TRAPPC3L: variants seen among roughly 807,000 people sequenced by gnomAD.
TRAPPC3L encodes trafficking protein particle complex subunit 3L.
In TRAPPC3L, 23 loss-of-function variants were observed where a neutral mutation model predicts 23.7. That is an observed-to-expected ratio of 0.97 (90% confidence interval 0.70 to 1.37). The LOEUF (loss-of-function observed/expected upper bound fraction) is 1.37. TRAPPC3L is among the 40% of genes most tolerant of loss of function. The pLI is 0.00. For synonymous variants in TRAPPC3L, 81 were observed against 77.9 expected, an observed-to-expected ratio of 1.04 and a Z score of -0.21; for missense variants, 212 against 216.8, an observed-to-expected ratio of 0.98 and a Z score of 0.14.
chr6:116,499,842 A>G (rs966773425), intron 4 of TRAPPC3L, among the ~76,000 whole-genome samples: 3 of 152,214 alleles, frequency 2.0e-5, no homozygotes, highest in Non-Finnish European at 2.9e-5. Flanking sequence ...TGACTTTTCC[A>G]TTAGACAGAA....
At chr6:116,529,606 T>C (rs146632989) in intron 3 of TRAPPC3L, among the ~76,000 whole-genome samples, 155 of 152,216 alleles carry the variant, frequency 1.0e-3, no homozygotes, top group Non-Finnish European at 2.0e-3. Flanking sequence ...CAGAACCCCC[T>C]CTCCATGTCC....
chr6:116,516,737 C>G (rs1339624730), intron 3 of TRAPPC3L: 1 of 136,870 alleles, frequency 7.3e-6, no homozygotes, highest in Non-Finnish European at 1.5e-5. Flanking sequence ...ATATTTATAA[C>G]TGCATTGATA....
At position 116,517,370 on chromosome 6, in the gene TRAPPC3L, T is replaced by A. The variant is rs570845915; in HGVS notation, c.241-16704A>T. The A allele has an allele frequency of 2.0e-5, 3 of 152,306 alleles. No individual in the cohort carries two copies. The East Asian group carries it at 5.8e-4, about 29-fold the overall frequency. 9.4% of individuals were successfully genotyped at this position (152,306 alleles called of 1,614,324 possible). A position where few individuals can be genotyped will look rare whatever the true frequency, so the allele number is the denominator to read the frequency against. On this transcript the variant is annotated intron_variant, in intron 3 of 4. Coordinates refer to ENST00000368602, the MANE Select transcript of TRAPPC3L (RefSeq NM_001139444.3). ...AAATCTTGCATTCTACAATGTACTA[T>A]ATCCATGTTAGTATGTACATATATA...
chr6:116,540,421 G>A lies in TRAPPC3L; in HGVS notation c.182C>T (p.Ala61Val). 1 of 1,551,280 alleles carries A rather than the reference G, an allele frequency of 6.4e-7. No homozygotes were observed. Among genetic ancestry groups the A allele is most frequent in the Non-Finnish European group, 8.7e-7 (1 of 1,146,750 alleles). Residue 61 changes from alanine to valine, a missense_variant, in exon 3 of 5, where the codon GCT (alanine) becomes GTT (valine). Ala to Val is a moderately conservative substitution (Grantham distance 64). Transcript: ENST00000368602. ...ATGGCATCTTCCCACGCAGGATCGA[G>A]CCAAAAAGTCTTCCACAAGCCGCGT... ...IGTRLVEDFL[A>V]RSCVGRCHSY...
At chr6:116,498,015 A>C (rs1771858606) in intron 4 of TRAPPC3L, among the ~76,000 whole-genome samples, 1 of 152,328 alleles carries the variant, frequency 6.6e-6, no homozygotes. Context: ...CTACCATTTA[A>C]CAGAGGATGT....
In TRAPPC3L at chr6:116,500,924, T is replaced by C. The variant is rs144214290; in HGVS notation, c.241-258A>G. Among the ~76,000 whole-genome samples, 66 of 152,330 alleles carry C rather than the reference T, an allele frequency of 4.3e-4. 1 individual carries two copies. In the East Asian group the frequency reaches 0.012, roughly 29 times the overall value. ...AGTCTATAGCTCCCAGTGAGATCAA[T>C]GGAGAAGATGGGTAATTTCTGCATT... On this transcript the variant is annotated intron_variant, in intron 3 of 4. Transcript: ENST00000368602.
intron 3 of TRAPPC3L, among the ~76,000 whole-genome samples, chr6:116,525,987 G>A (rs1358787464): frequency 6.6e-6 from 1 of 152,214 alleles, no homozygotes; most frequent in African/African-American, 2.4e-5. Flanking sequence ...ATAGTAATCA[G>A]TGTTTTTAAA....
chr6:116,521,073 C>T (rs1191077619), intron 3 of TRAPPC3L: 2 of 150,990 alleles, frequency 1.3e-5, no homozygotes, highest in Non-Finnish European at 2.9e-5. Flanking sequence ...TACATACATA[C>T]ATATATATGT....
rs1056043565 is a variant in TRAPPC3L at position 116,510,457 on chromosome 6, T to C, written c.241-9791A>G. On this transcript the variant is annotated intron_variant, in intron 3 of 4. Transcript: ENST00000368602. Reference sequence around the variant, plus strand: ...CCACCGAGCCTGGCTAATTTTTTTTTGGTATTTTTTTGTAGAGAGGGAGAT... The same window carrying C: ...CCACCGAGCCTGGCTAATTTTTTTTCGGTATTTTTTTGTAGAGAGGGAGAT... 2.6e-5 allele frequency among the ~76,000 whole-genome samples: 4 copies of C among 151,648 alleles called. No homozygotes were observed. The South Asian group carries it at 8.4e-4, about 32-fold the overall frequency.
intron 3 of TRAPPC3L, chr6:116,512,342 C>T: frequency 7.9e-7 from 1 of 1,269,220 alleles, no homozygotes; most frequent in Non-Finnish European, 1.1e-6. Context: ...TATTTTGAAA[C>T]TAAATGGAAA....
intron 3 of TRAPPC3L, among the ~76,000 whole-genome samples, chr6:116,503,300 G>C (rs553004895): frequency 1.3e-5 from 2 of 152,050 alleles, no homozygotes; most frequent in Non-Finnish European, 2.9e-5. Flanking sequence ...AATGGTAAAG[G>C]GATCAATTCA....
At position 116,503,559 on chromosome 6, in the gene TRAPPC3L, C is replaced by A. The variant is rs953776634; in HGVS notation, c.241-2893G>T. ...ATCTATAGAACTCTCCACCTCAAAT[C>A]AACAGAAATACATTCTTCTCAGCAC... On this transcript the variant is annotated intron_variant, in intron 3 of 4. Transcript: ENST00000368602. 3.3e-5 allele frequency among the ~76,000 whole-genome samples: 5 copies of A among 152,308 alleles called. No individual in the cohort carries two copies. In the South Asian group the frequency reaches 8.3e-4, roughly 25 times the overall value.
chr6:116,504,781 A>C (rs9488947), intron 3 of TRAPPC3L, among the ~76,000 whole-genome samples: 4,763 of 152,298 alleles, frequency 0.031, 250 homozygotes, highest in African/African-American at 0.11. Context: ...TGATTATCTC[A>C]ATAGATGCAG....
chr6:116,530,936 TATATATATG>T, intron 3 of TRAPPC3L, among the ~76,000 whole-genome samples: 1 of 143,992 alleles, frequency 6.9e-6, no homozygotes, highest in South Asian at 2.2e-4. Context: ...TATATATATA[TATATATATG>T]TTACTAATTT....
intron 3 of TRAPPC3L, among the ~76,000 whole-genome samples, chr6:116,525,393 G>T (rs766366175): frequency 6.6e-6 from 1 of 152,092 alleles, no homozygotes; most frequent in African/African-American, 2.4e-5. Context: ...TGCTCCTACT[G>T]TATCAATGAA....
Position 116,543,411 on chromosome 6 carries a change from A to G in TRAPPC3L, c.43-11T>C. 6.5e-7 allele frequency: 1 copy of G among 1,540,150 alleles called. No homozygotes were observed. Among genetic ancestry groups the G allele is most frequent in the Non-Finnish European group, 8.8e-7 (1 of 1,139,580 alleles). On this transcript the variant is annotated splice_polypyrimidine_tract_variant and intron_variant, in intron 1 of 4. Coordinates refer to ENST00000368602, the MANE Select transcript of TRAPPC3L (RefSeq NM_001139444.3). ...AAAGAGATCTTTATTCTGGAGAAAAAGGGGTAGTTTCTGGTTATAGGCAAG... is the reference window on the plus strand; with the variant it reads ...AAAGAGATCTTTATTCTGGAGAAAAGGGGGTAGTTTCTGGTTATAGGCAAG...
intron 3 of TRAPPC3L, among the ~76,000 whole-genome samples, chr6:116,509,455 G>T (rs1283216421): frequency 6.6e-6 from 1 of 152,070 alleles, no homozygotes; most frequent in Non-Finnish European, 1.5e-5. Context: ...ATACTACAAA[G>T]GTATAGTTAT....
At chr6:116,537,226 T>C (rs1398189718) in intron 3 of TRAPPC3L, among the ~76,000 whole-genome samples, 1 of 152,348 alleles carries the variant, frequency 6.6e-6, no homozygotes, top group South Asian at 2.1e-4. Flanking sequence ...ATCTTTTTCC[T>C]GTTCACTGAG....
chr6:116,508,593 G>C (rs966608661), intron 3 of TRAPPC3L, among the ~76,000 whole-genome samples: 1 of 152,140 alleles, frequency 6.6e-6, no homozygotes, highest in African/African-American at 2.4e-5. Context: ...GCCTAGGAAA[G>C]AAATGATGAG....
Sources: gnomAD v4.1 joint callset for allele counts (sites outside exome capture counted in the v4.1 genomes callset) on GRCh38, gnomAD v4.1.1 for gene constraint, MANE v1.5 for transcripts, NCBI Gene and HGNC (gene_info 2026-07-23, HGNC 2026-07-21) for gene names.